Variants in CEP85L observed in about 807,000 individuals in gnomAD.
CEP85L encodes centrosomal protein of 85 kDa-like.
A neutral mutation model predicts 100.3 loss-of-function variants in CEP85L; 60 were observed. That is an observed-to-expected ratio of 0.60 (90% CI 0.49 to 0.74). The LOEUF (loss-of-function observed/expected upper bound fraction) is 0.74, where lower values mean the gene tolerates loss of function less well. Ranked by LOEUF, CEP85L falls within the 30% of genes least tolerant of loss-of-function variation. The pLI, the probability that CEP85L is intolerant of heterozygous loss-of-function variation, is 0.00. For missense variants in CEP85L, 973 were observed against 936.2 expected, an observed-to-expected ratio of 1.04 and a Z score of -0.51; for synonymous variants, 319 against 322.7, an observed-to-expected ratio of 0.99 and a Z score of 0.12.
intron 2 of CEP85L, among the ~76,000 whole-genome samples, chr6:118,585,594 TG>T (rs1454943314): frequency 2.6e-5 from 4 of 152,172 alleles, no homozygotes; most frequent in Admixed American, 2.6e-4. Flanking sequence ...GCCCTCAGGA[TG>T]GCTACAGTCA....
At chr6:118,592,636 A>G (rs146136222) in intron 2 of CEP85L, among the ~76,000 whole-genome samples, 1 of 152,192 alleles carries the variant, frequency 6.6e-6, no homozygotes, top group African/African-American at 2.4e-5. Flanking sequence ...AATGGTTGAA[A>G]TATCACCTAC....
chr6:118,468,006 T>C (rs1462715656), intron 12 of CEP85L, among the ~76,000 whole-genome samples: 2 of 152,226 alleles, frequency 1.3e-5, no homozygotes, highest in African/African-American at 4.8e-5. Flanking sequence ...TTATCTGCAT[T>C]ACCAGCACTT....
chr6:118,611,648 T>C (rs1477439036), intron 2 of CEP85L, among the ~76,000 whole-genome samples: 1 of 152,176 alleles, frequency 6.6e-6, no homozygotes, highest in East Asian at 1.9e-4. Context: ...AGGTTGTATG[T>C]AAAAGGATAT....
chr6:118,501,708 G>C (rs539562706), intron 5 of CEP85L: 18 of 698,580 alleles, frequency 2.6e-5, no homozygotes, highest in South Asian at 2.3e-4. Context: ...AAAATTCAGA[G>C]CCTGAAGCAG....
intron 2 of CEP85L, among the ~76,000 whole-genome samples, chr6:118,597,205 A>G (rs1038614126): frequency 4.6e-5 from 7 of 152,190 alleles, no homozygotes; most frequent in Non-Finnish European, 1.0e-4. Context: ...AGTCCCAGGC[A>G]TTTCTTCATA....
intron 2 of CEP85L, among the ~76,000 whole-genome samples, chr6:118,609,290 A>G (rs79088414): frequency 6.6e-6 from 1 of 152,312 alleles, no homozygotes; most frequent in Non-Finnish European, 1.5e-5. Context: ...TTTGCTCCAT[A>G]TAATTTTTCA....
intron 2 of CEP85L, among the ~76,000 whole-genome samples, chr6:118,604,947 A>G (rs1772088020): frequency 6.7e-6 from 1 of 150,294 alleles, no homozygotes; most frequent in South Asian, 2.1e-4. Flanking sequence ...ATTTTTCTGA[A>G]AAAATATTAA....
intron 2 of CEP85L, among the ~76,000 whole-genome samples, chr6:118,625,780 T>C (rs1773748316): frequency 6.6e-6 from 1 of 152,198 alleles, no homozygotes; most frequent in Admixed American, 6.5e-5. Context: ...GCTTCTCCCC[T>C]TTCTAGGCCC....
At chr6:118,564,313 C>T (rs941327578) in intron 3 of CEP85L, among the ~76,000 whole-genome samples, 29 of 152,202 alleles carry the variant, frequency 1.9e-4, no homozygotes, top group African/African-American at 7.0e-4. Flanking sequence ...TGTAAAGACA[C>T]CAGCTGGAGA....
intron 2 of CEP85L, among the ~76,000 whole-genome samples, chr6:118,626,102 G>A (rs548434457): frequency 8.5e-5 from 13 of 152,144 alleles, no homozygotes; most frequent in Non-Finnish European, 2.9e-5. Flanking sequence ...TTAGAGGGGG[G>A]ACTGAGAGGT....
chr6:118,655,938 A>C (rs571098465), upstream of CEP85L, among the ~76,000 whole-genome samples: 2 of 152,366 alleles, frequency 1.3e-5, no homozygotes, highest in African/African-American at 4.8e-5. Flanking sequence ...AAGAGCTAGA[A>C]TTCAAATCTG....
chr6:118,524,108 T>C (rs1404254650), intron 3 of CEP85L, among the ~76,000 whole-genome samples, 188 bp from the exon 4 acceptor site: 1 of 152,162 alleles, frequency 6.6e-6, no homozygotes, highest in East Asian at 1.9e-4. Context: ...AAAGGAAATG[T>C]ATACATCTAA....
At chr6:118,651,671 CG>C, upstream of CEP85L, 1 of 891,110 alleles carries the variant, frequency 1.1e-6, no homozygotes, top group Non-Finnish European at 1.3e-6. Flanking sequence ...TTCAGGCGTG[CG>C]CGGCGCCGCG....
In CEP85L at chr6:118,642,044, T is replaced by TA. The variant is rs201517011; in HGVS notation, c.73+9152dup. Among the ~76,000 whole-genome samples, 502 of 151,910 alleles carry TA rather than the reference T, an allele frequency of 3.3e-3. 4 individuals are homozygous for TA. Among genetic ancestry groups the TA allele is most frequent in the African/African-American group, 0.012 (485 of 41,454 alleles). On this transcript the variant is annotated intron_variant, in intron 1 of 12. Coordinates refer to ENST00000368491, the MANE Select transcript of CEP85L (RefSeq NM_001042475.3). The stretch of plus-strand genomic sequence containing the variant: ...AAAATATATCAACTGTATGTACCAC[T>TA]AAAAAAAAGGATGCCAATTAAATGA...
At chr6:118,536,129 T>C (rs894704881) in intron 3 of CEP85L, among the ~76,000 whole-genome samples, 2 of 152,148 alleles carry the variant, frequency 1.3e-5, no homozygotes, top group Non-Finnish European at 2.9e-5. Context: ...AGATAATTAA[T>C]GGTGGTAGAA....
At chr6:118,472,922 GT>G (rs1156890969) in intron 10 of CEP85L, among the ~76,000 whole-genome samples, 1 of 152,122 alleles carries the variant, frequency 6.6e-6, no homozygotes, top group Non-Finnish European at 1.5e-5. Context: ...CACATTTGTT[GT>G]TTTAACGTAA....
At chr6:118,624,122 G>A (rs530264354) in intron 2 of CEP85L, among the ~76,000 whole-genome samples, 32 of 152,134 alleles carry the variant, frequency 2.1e-4, no homozygotes, top group African/African-American at 6.7e-4. Context: ...CTCCTATTTC[G>A]GAAGGAAGCA....
At chr6:118,605,271 G>A (rs569944295) in intron 2 of CEP85L, among the ~76,000 whole-genome samples, 109 of 152,258 alleles carry the variant, frequency 7.2e-4, no homozygotes, top group African/African-American at 2.5e-3. Context: ...TCACTGCAAG[G>A]CAACCCAAAG....
intron 3 of CEP85L, among the ~76,000 whole-genome samples, chr6:118,552,169 C>T (rs1778586201): frequency 6.6e-6 from 1 of 151,880 alleles, no homozygotes; most frequent in Admixed American, 6.6e-5. Context: ...TAAAGTATTT[C>T]TTCAGTACTC....
Sources: allele counts gnomAD v4.1 joint callset (sites outside exome capture counted in the v4.1 genomes callset), GRCh38; gene constraint gnomAD v4.1.1; transcripts MANE v1.5; gene names NCBI Gene and HGNC (gene_info 2026-07-23, HGNC 2026-07-21).